Variants in SLX4 observed in about 807,000 individuals in gnomAD.
The protein encoded by SLX4 is structure-specific endonuclease subunit SLX4.
A neutral mutation model predicts 146.2 loss-of-function variants in SLX4; 112 were observed. The ratio of observed to expected loss-of-function variants is 0.77; its 90% CI spans 0.66 to 0.90. The LOEUF (loss-of-function observed/expected upper bound fraction) is 0.90, where lower values mean the gene tolerates loss of function less well. Ranked by LOEUF, SLX4 falls within the 40% of genes least tolerant of loss-of-function variation. SLX4 has a pLI of 0.00. For synonymous variants in SLX4, 1,061 were observed against 997.7 expected (o/e 1.06, Z -1.20); for missense variants, 2,563 against 2,392.7 (o/e 1.07, Z -1.49).
chr16:3,602,115 C>T lies in SLX4; in HGVS notation c.950+3G>A. 2 of 1,614,072 alleles carry T rather than the reference C, an allele frequency of 1.2e-6. No homozygotes were observed. The highest frequency in any genetic ancestry group is 1.1e-5 in the South Asian group (1 of 91,026). On this transcript the variant is annotated splice_donor_region_variant and intron_variant, in intron 4 of 14. Coordinates refer to ENST00000294008, the MANE Select transcript of SLX4 (RefSeq NM_032444.4). ...GAGAGGCGACGGCCCAAGCTGCCCCCACCTGTTCACATGCTGTTCCCTTCG... is the reference window on the plus strand; with the variant it reads ...GAGAGGCGACGGCCCAAGCTGCCCCTACCTGTTCACATGCTGTTCCCTTCG...
Position 3,609,224 on chromosome 16 carries a change from T to C in SLX4, c.-260A>G, listed in dbSNP as rs1019630796. 7.4e-6 allele frequency: 3 copies of C among 407,014 alleles called. No homozygotes were observed. The highest frequency in any genetic ancestry group is 2.0e-5 in the African/African-American group (1 of 49,860). The allele number at this position is 407,014 out of a possible 1,614,324, so 25.2% of individuals were successfully genotyped here. On this transcript the variant is annotated 5_prime_UTR_variant, in exon 2 of 15. Transcript: ENST00000294008. Reference sequence around the variant, plus strand: ...AAGTTCGAGACCAGCCTGGCCAATATGGTGAAACCTCGTTTCAACTGAAAA... The same window carrying C: ...AAGTTCGAGACCAGCCTGGCCAATACGGTGAAACCTCGTTTCAACTGAAAA...
Position 3,583,169 on chromosome 16 carries a change from G to T in SLX4, c.5081C>A (p.Ala1694Asp), listed in dbSNP as rs761226343. ...GGATTCTTGAGAGGCTGGGATCTGGGCGTCATCATTGAGGCCTGGAGGTGC... is the reference window on the plus strand; with the variant it reads ...GGATTCTTGAGAGGCTGGGATCTGGTCGTCATCATTGAGGCCTGGAGGTGC... ...KEAPPGLNDD[A>D]QIPASQESVA... The change falls in exon 14 of 15, where the codon GCC (alanine) becomes GAC (aspartate). Residue 1694 changes from alanine (A) to aspartate (D), a missense_variant. Coordinates refer to ENST00000294008, the MANE Select transcript of SLX4 (RefSeq NM_032444.4). 6.2e-7 allele frequency: 1 copy of T among 1,614,148 alleles called. No homozygotes were observed. The highest frequency in any genetic ancestry group is 8.5e-7 in the Non-Finnish European group (1 of 1,180,054).
chr16:3,606,641 G>C lies in SLX4; in HGVS notation c.593C>G (p.Pro198Arg), dbSNP rs2040787647. Residue 198 changes from proline (P) to arginine (R), a missense_variant, in exon 3 of 15, where the codon CCA becomes CGA. Pro to Arg is a moderately radical substitution (Grantham distance 103, BLOSUM62 -2). Coordinates refer to ENST00000294008, the MANE Select transcript of SLX4 (RefSeq NM_032444.4). ...PPPSCLTTAV[P>R]SPSKPRTAQL... ...TGCTGTGCGGGGTTTGGAGGGACTT[G>C]GCACTGCTGTTGTCAAACAGGAAGG... is the stretch of plus-strand genomic sequence containing the variant. 1 of 1,614,196 alleles carries C rather than the reference G, an allele frequency of 6.2e-7. No homozygotes were observed.
intron 10 of SLX4, 40 bp from the exon 11 acceptor site, chr16:3,592,905 G>C: frequency 6.3e-7 from 1 of 1,587,102 alleles, no homozygotes; most frequent in Non-Finnish European, 8.6e-7. Context: ...ACTGATCAGA[G>C]AGTTGTAACT....
intron 13 of SLX4, among the ~76,000 whole-genome samples, chr16:3,583,934 G>A (rs545692533): frequency 6.6e-6 from 1 of 152,284 alleles, no homozygotes; most frequent in South Asian, 2.1e-4. Context: ...GGGAGGCTGA[G>A]GCTACAGTGA....
rs1226913091 is a variant in SLX4 at position 3,602,321 on chromosome 16, C to A, written c.761-14G>T. ...CAAGCCCATACACTGTGGAGAAGCA[C>A]CAAAGATCCGTGAGAATAAACTCCA... On this transcript the variant is annotated splice_polypyrimidine_tract_variant and intron_variant, in intron 3 of 14. Coordinates refer to ENST00000294008, the MANE Select transcript of SLX4 (RefSeq NM_032444.4). 1.9e-6 allele frequency: 3 copies of A among 1,613,236 alleles called. No homozygotes were observed. Among genetic ancestry groups the A allele is most frequent in the African/African-American group, 2.7e-5 (2 of 75,042 alleles).
intron 2 of SLX4, among the ~76,000 whole-genome samples, chr16:3,608,042 G>C (rs2040806627): frequency 6.6e-6 from 1 of 152,160 alleles, no homozygotes; most frequent in Non-Finnish European, 1.5e-5. Context: ...GGAGTCAGCC[G>C]GGCGCAGTGG....
In SLX4 at chr16:3,589,058, G is replaced by T. The variant is rs149362820; in HGVS notation, c.4580C>A (p.Pro1527Gln). The T allele has an allele frequency of 2.5e-6, 4 of 1,614,054 alleles. No individual in the cohort carries two copies. In the East Asian group the frequency reaches 8.9e-5, roughly 36 times the overall value. The stretch of plus-strand genomic sequence containing the variant: ...TCCACCAGCGCTTGGCATCTGGGCC[G>T]GAGGAGGGGTCTCTGGAGGCCTCTG... ...EEQRPPETPP[P>Q]AQMPSAGGAQ... Residue 1527 changes from proline (P) to glutamine (Q), a missense_variant, in exon 12 of 15, where the codon CCG (proline) becomes CAG (glutamine). Coordinates refer to ENST00000294008, the MANE Select transcript of SLX4 (RefSeq NM_032444.4). This position sits in a 1 kb window ranked among gnomAD's most constrained non-coding sequence, Gnocchi z 6.2.
Position 3,602,354 on chromosome 16 carries a change from G to C in SLX4, c.761-47C>G, listed in dbSNP as rs200625904. 4 of 1,604,052 alleles carry C rather than the reference G, an allele frequency of 2.5e-6. No individual in the cohort carries two copies. In the African/African-American group the frequency reaches 5.3e-5, roughly 21 times the overall value. ...CCGTGAGAATAAACTCCAAAGACAA[G>C]CTCACCCTCAGACCTCTGCTCTGTC... On this transcript the variant is annotated intron_variant, in intron 3 of 14. Transcript: ENST00000294008.
intron 10 of SLX4, 60 bp from the exon 11 acceptor site, chr16:3,592,925 G>T: frequency 1.9e-6 from 3 of 1,548,422 alleles, no homozygotes; most frequent in Non-Finnish European, 2.6e-6. Flanking sequence ...TTGGAGCAAA[G>T]CAGACGGTCT....
In SLX4 at chr16:3,602,139, C is replaced by T. The variant is rs759447034; in HGVS notation, c.929G>A (p.Arg310Gln). Residue 310 changes from arginine to glutamine, a missense_variant, in exon 4 of 15, where the codon CGA (arginine) becomes CAA (glutamine). Transcript: ENST00000294008. ...QKNLSAMNVT[R>Q]REQHVNRCLD... ...CCACCTGTTCACATGCTGTTCCCTTCGGGTCACGTTCATGGCTGAGAGGTT... is the reference window on the plus strand; with the variant it reads ...CCACCTGTTCACATGCTGTTCCCTTTGGGTCACGTTCATGGCTGAGAGGTT... 36 of 1,613,978 alleles carry T rather than the reference C, an allele frequency of 2.2e-5. No individual in the cohort carries two copies. Among genetic ancestry groups the T allele is most frequent in the African/African-American group, 5.3e-5 (4 of 74,892 alleles).
At chr16:3,598,597 G>C (rs528083799) in intron 5 of SLX4, among the ~76,000 whole-genome samples, 6 of 152,320 alleles carry the variant, frequency 3.9e-5, no homozygotes, top group East Asian at 3.9e-4. Flanking sequence ...AGAGAACCTA[G>C]GCTGCCTGGG....
chr16:3,609,169 C>T lies in SLX4; in HGVS notation c.-205G>A, dbSNP rs937724885. On this transcript the variant is annotated 5_prime_UTR_variant, in exon 2 of 15. Transcript: ENST00000294008. ...TTGTAATCCCAGCTCTTTTGGAGGA[C>T]GAGGCGGGGGGTGGATCACCTGAGG... 3.3e-5 allele frequency: 18 copies of T among 551,740 alleles called. No individual in the cohort carries two copies. The highest frequency in any genetic ancestry group is 1.2e-4 in the South Asian group (6 of 49,640). The allele number at this position is 551,740 out of a possible 1,614,324, so 34.2% of individuals were successfully genotyped here. A position where few individuals can be genotyped will look rare whatever the true frequency, so the allele number is the denominator to read the frequency against.
At chr16:3,588,873 G>C in intron 12 of SLX4, 129 bp downstream of exon 12, 4 of 1,154,226 alleles carry the variant, frequency 3.5e-6, no homozygotes, top group Non-Finnish European at 3.9e-6. Context: ...GAAGGCAGCG[G>C]AAGTGTCATG....
chr16:3,593,768 C>T (rs1376701110), intron 10 of SLX4, among the ~76,000 whole-genome samples: 1 of 152,210 alleles, frequency 6.6e-6, no homozygotes, highest in East Asian at 1.9e-4. Context: ...AGTCAGAAGG[C>T]AGGTTCATCA....
chr16:3,595,817 G>A, intron 8 of SLX4, 124 bp from the exon 9 acceptor site: 1 of 1,139,688 alleles, frequency 8.8e-7, no homozygotes, highest in Non-Finnish European at 1.3e-6. Context: ...TGCTATCCGA[G>A]GACACCTTCA....
chr16:3,597,967 C>T lies in SLX4; in HGVS notation c.1196G>A (p.Arg399Lys). 1 of 1,614,180 alleles carries T rather than the reference C, an allele frequency of 6.2e-7. No individual in the cohort carries two copies. The highest frequency in any genetic ancestry group is 8.5e-7 in the Non-Finnish European group (1 of 1,180,046). Residue 399 changes from arginine to lysine, a missense_variant, in exon 6 of 15, where the codon AGA becomes AAA. Physicochemically the swap from Arg to Lys is conservative, Grantham distance 26. Coordinates refer to ENST00000294008, the MANE Select transcript of SLX4 (RefSeq NM_032444.4). This position sits in a 1 kb window ranked among gnomAD's most constrained non-coding sequence, Gnocchi z 4.4. ...FSDHSRGLKR[R>K]GPTSKKEPRK... ...TGGCTCCTTCTTGCTGGTGGGTCCT[C>T]TCCGTTTCAGACCTCTACTGTGATC...
intron 3 of SLX4, 79 bp from the exon 4 acceptor site, chr16:3,602,386 T>C (rs1156729477): frequency 6.5e-7 from 1 of 1,530,084 alleles, no homozygotes; most frequent in East Asian, 2.2e-5. Flanking sequence ...TGTCAGCTCC[T>C]GCAGACCATG....
At chr16:3,602,674 C>T (rs1036664366) in intron 3 of SLX4, among the ~76,000 whole-genome samples, 6 of 152,236 alleles carry the variant, frequency 3.9e-5, no homozygotes, top group Non-Finnish European at 5.9e-5. Context: ...TAAACTTTCC[C>T]ACTTCTGCTG....
Sources: gnomAD v4.1 joint callset for allele counts (sites outside exome capture counted in the v4.1 genomes callset) on GRCh38, gnomAD v4.1.1 for gene constraint, Gnocchi (gnomAD v3.1) non-coding constraint, MANE v1.5 for transcripts, NCBI Gene and HGNC (gene_info 2026-07-23, HGNC 2026-07-21) for gene names.